TSPOAP1: variants seen among roughly 807,000 people sequenced by gnomAD.
The protein encoded by TSPOAP1 is peripheral-type benzodiazepine receptor-associated protein 1.
Under a neutral mutation model 197.0 loss-of-function variants are expected in TSPOAP1, and 87 were observed. The observed-to-expected ratio is 0.44, with a 90% CI of 0.37 to 0.53. The LOEUF (loss-of-function observed/expected upper bound fraction) is 0.53, where lower values mean the gene tolerates loss of function less well. TSPOAP1 is among the 20% of genes least tolerant of loss of function. The pLI is 0.00. For synonymous variants in TSPOAP1, 913 were observed against 998.9 expected, an observed-to-expected ratio of 0.91 and a Z score of 1.62; for missense variants, 2,174 against 2,411.3, an observed-to-expected ratio of 0.90 and a Z score of 2.06.
intron 10 of TSPOAP1, among the ~76,000 whole-genome samples, chr17:58,321,293 G>A (rs1180310481): frequency 6.8e-6 from 1 of 146,446 alleles, no homozygotes; most frequent in Non-Finnish European, 1.5e-5. Context: ...GGGGATCCTT[G>A]TCAATTCTTT....
chr17:58,316,172 T>C (rs371985793), intron 15 of TSPOAP1, 40 bp from the exon 16 acceptor site: 2 of 1,439,832 alleles, frequency 1.4e-6, no homozygotes, highest in Non-Finnish European at 2.0e-6. Flanking sequence ...GAGAGTGACC[T>C]ACACTCCACT....
chr17:58,322,699 G>T lies in TSPOAP1; in HGVS notation c.1272C>A (p.Ser424Arg). 6.2e-7 allele frequency: 1 copy of T among 1,612,318 alleles called. No individual in the cohort carries two copies. The change falls in exon 9 of 32, where the codon AGC becomes AGA. Residue 424 changes from serine to arginine, a missense_variant. Ser to Arg is a moderately radical substitution (Grantham distance 110). Around this residue, in one of 5 missense-constraint regions of TSPOAP1, gnomAD observed 1,933 missense variants for 2,139.0 expected, o/e 0.90. Transcript: ENST00000343736. This position sits in a 1 kb window ranked among gnomAD's most constrained non-coding sequence, Gnocchi z 5.0. ...TQERDSALRK[S>R]QGLQSKLESL... is the part of the protein sequence containing the mutation. ...TCTCCAGCTTGCTCTGCAGGCCCTG[G>T]CTCTTGCGAAGGGCTGAGTCCCTCT...
chr17:58,310,143 C>T lies in TSPOAP1; in HGVS notation c.3715G>A (p.Glu1239Lys). The T allele has an allele frequency of 6.2e-7, 1 of 1,612,768 alleles. No homozygotes were observed. The highest frequency in any genetic ancestry group is 8.5e-7 in the Non-Finnish European group (1 of 1,179,876). The change falls in exon 21 of 32, where the codon GAG becomes AAG. Residue 1239 changes from glutamate to lysine, a missense_variant. Glu to Lys is a moderately conservative substitution (Grantham distance 56). Transcript: ENST00000343736. ...GAGTTCACCAGATGAACCCCAAGCT[C>T]TGCTGTGTCCTCCTTCTGCAAGAAG... ...RPRAEKEDTA[E>K]LGVHLVNSLV...
Position 58,325,537 on chromosome 17 carries a change from G to T in TSPOAP1, c.747C>A (p.Gly249=), listed in dbSNP as rs774323558. The T allele has an allele frequency of 1.1e-5, 18 of 1,612,028 alleles. No individual in the cohort carries two copies. The highest frequency in any genetic ancestry group is 1.2e-5 in the Non-Finnish European group (14 of 1,180,012). The change falls in exon 4 of 32, where the codon GGC becomes GGA. Residue 249 remains glycine, a synonymous_variant. Coordinates refer to ENST00000343736, the MANE Select transcript of TSPOAP1 (RefSeq NM_004758.4). The part of the protein sequence containing the change: ...RELQARLTLV[G]KEGPQWLHVR... ...GGTGACCAGGGCCTCCTCGCACCTT[G>T]CCCACCAGAGTGAGCCTGGCCTGCA... is the stretch of plus-strand genomic sequence containing the variant.
Position 58,324,848 on chromosome 17 carries a change from G to A in TSPOAP1, c.905C>T (p.Ala302Val), listed in dbSNP as rs1314181168. ...PSWPPGPALQ[A>V]RAGAPAPGAP... The stretch of plus-strand genomic sequence containing the variant: ...CCCGGGAGCAGGCGCCCCTGCTCTG[G>A]CCTGGAGAGCAGGGCCCGGGGGCCA... Residue 302 changes from alanine to valine, a missense_variant, in exon 5 of 32, where the codon GCC (alanine) becomes GTC (valine). Coordinates refer to ENST00000343736, the MANE Select transcript of TSPOAP1 (RefSeq NM_004758.4). This position sits in a 1 kb window ranked among gnomAD's most constrained non-coding sequence, Gnocchi z 5.8. The A allele has an allele frequency of 6.6e-6, 10 of 1,525,400 alleles. No individual in the cohort carries two copies. The highest frequency in any genetic ancestry group is 2.8e-5 in the African/African-American group (2 of 72,526). The allele number at this position is 1,525,400 out of a possible 1,614,324, so 94.5% of individuals were successfully genotyped here.
rs904092046 is a variant in TSPOAP1, at chr17:58,312,340, C to G, written c.2481G>C (p.Val827=). ...QVELHGFHIC[V]NGELRQALGP... ...CCAGGGCCTGTCGCAGCTCCCCATT[C>G]ACACAGATATGGAAGCCGTGTAGCT... Residue 827 remains valine (V), a synonymous_variant, in exon 17 of 32, where the codon GTG becomes GTC. Transcript: ENST00000343736. 2 of 1,612,508 alleles carry G rather than the reference C, an allele frequency of 1.2e-6. No homozygotes were observed. The highest frequency in any genetic ancestry group is 8.5e-7 in the Non-Finnish European group (1 of 1,179,542).
chr17:58,303,074 C>G (rs1328607678), intron 31 of TSPOAP1: 1 of 152,346 alleles, frequency 6.6e-6, no homozygotes, highest in Admixed American at 6.5e-5. Flanking sequence ...CATCACTCAG[C>G]CCCCACCACA....
intron 14 of TSPOAP1, among the ~76,000 whole-genome samples, chr17:58,316,998 C>A (rs1971258098): frequency 6.6e-6 from 1 of 152,144 alleles, no homozygotes; most frequent in African/African-American, 2.4e-5. Context: ...GAGTTTGAGA[C>A]CAGCGTGAGA....
Position 58,305,641 on chromosome 17 carries a change from G to T in TSPOAP1, c.5260C>A (p.Pro1754Thr). ...SEGPAQPCPG[P>T]PKLVPSADLK... is the part of the protein sequence containing the mutation. ...TCAGCAGAGGGGACCAGCTTAGGGG[G>T]GCCTGCAGGGGGAGTAGGAGAAGAC... Residue 1754 changes from proline to threonine, a missense_variant and splice_region_variant, in exon 28 of 32, where the codon CCC (proline) becomes ACC (threonine). Coordinates refer to ENST00000343736, the MANE Select transcript of TSPOAP1 (RefSeq NM_004758.4). The T allele has an allele frequency of 6.7e-7, 1 of 1,496,552 alleles. No individual in the cohort carries two copies. Among genetic ancestry groups the T allele is most frequent in the Non-Finnish European group, 9.0e-7 (1 of 1,105,852 alleles). The allele number at this position is 1,496,552 out of a possible 1,614,324, so 92.7% of individuals were successfully genotyped here. A position where few individuals can be genotyped will look rare whatever the true frequency, so the allele number is the denominator to read the frequency against.
In TSPOAP1 at chr17:58,310,957, C is replaced by A; in HGVS notation, c.3338G>T (p.Ser1113Ile). The A allele has an allele frequency of 1.3e-6, 2 of 1,584,728 alleles. No individual in the cohort carries two copies. ...GGGAGCAGGGTGCTGGAGAGGAGAG[C>A]TGGGGTCTCCAGGCCCTGGGGAGGC... ...ASASPGPGDPSSPLQHPAPLG... is the reference protein window; with the variant it reads ...ASASPGPGDPISPLQHPAPLG... The change falls in exon 19 of 32, where the codon AGC becomes ATC. Residue 1113 changes from serine to isoleucine, a missense_variant. Ser to Ile is a moderately radical substitution (Grantham distance 142). This residue lies in a region of TSPOAP1 where 1,933 missense variants were observed against 2,139.0 expected (regional missense o/e 0.90). Coordinates refer to ENST00000343736, the MANE Select transcript of TSPOAP1 (RefSeq NM_004758.4).
rs139927674 is a variant in TSPOAP1, at chr17:58,320,144, G to C, written c.1474-15C>G. ...TCCAAGGTAGACTGTTGCAGGAAAG[G>C]AAGCAGAGAACAGGTTAGAACCCTG... On this transcript the variant is annotated splice_polypyrimidine_tract_variant and intron_variant, in intron 11 of 31. Coordinates refer to ENST00000343736, the MANE Select transcript of TSPOAP1 (RefSeq NM_004758.4). 75 of 1,614,168 alleles carry C rather than the reference G, an allele frequency of 4.6e-5. No individual in the cohort carries two copies. In the East Asian group the frequency reaches 1.5e-3, roughly 33 times the overall value.
At chr17:58,316,283 T>G (rs1270894600) in intron 15 of TSPOAP1, 142 bp downstream of exon 15, 15 of 1,057,930 alleles carry the variant, frequency 1.4e-5, no homozygotes, top group Non-Finnish European at 2.1e-5. Context: ...GCACCCACCT[T>G]GGCCCAACTA....
Position 58,304,168 on chromosome 17 carries a change from G to T in TSPOAP1, c.*32+170C>A. The T allele has an allele frequency of 1.7e-6, 1 of 589,062 alleles. No individual in the cohort carries two copies. The allele number at this position is 589,062 out of a possible 1,614,324, so 36.5% of individuals were successfully genotyped here. Reference sequence around the variant, plus strand: ...AGGCAAGGCAAGGGGAGCAGGGAGGGGGAGGGATGACTCTTCATGCAAATC... The same window carrying T: ...AGGCAAGGCAAGGGGAGCAGGGAGGTGGAGGGATGACTCTTCATGCAAATC... On this transcript the variant is annotated intron_variant, in intron 31 of 31. Coordinates refer to ENST00000343736, the MANE Select transcript of TSPOAP1 (RefSeq NM_004758.4). This position sits in a 1 kb window ranked among gnomAD's most constrained non-coding sequence, Gnocchi z 4.2.
chr17:58,308,513 C>T, intron 22 of TSPOAP1, 28 bp downstream of exon 22: 1 of 1,492,140 alleles, frequency 6.7e-7, no homozygotes, highest in Non-Finnish European at 8.9e-7. Context: ...CAGGCAGGGG[C>T]TGCCCAGGGC....
chr17:58,320,074 G>T, intron 12 of TSPOAP1, 35 bp downstream of exon 12: 3 of 1,614,040 alleles, frequency 1.9e-6, no homozygotes, highest in Non-Finnish European at 2.5e-6. Context: ...CAGCCAGCCT[G>T]GAGAGGTGTG....
Position 58,324,797 on chromosome 17 carries a change from G to T in TSPOAP1, c.942+14C>A. 6.9e-7 allele frequency: 1 copy of T among 1,447,710 alleles called. No individual in the cohort carries two copies. The highest frequency in any genetic ancestry group is 9.1e-7 in the Non-Finnish European group (1 of 1,104,216). 89.7% of individuals were successfully genotyped at this position (1,447,710 alleles called of 1,614,324 possible). A position where few individuals can be genotyped will look rare whatever the true frequency, so the allele number is the denominator to read the frequency against. Reference sequence around the variant, plus strand: ...TGCACGCACCCACACACCTGCCCTTGCGCCGGCGCTCACCTCTCCCGGGGC... The same window carrying T: ...TGCACGCACCCACACACCTGCCCTTTCGCCGGCGCTCACCTCTCCCGGGGC... On this transcript the variant is annotated intron_variant, in intron 5 of 31. Coordinates refer to ENST00000343736, the MANE Select transcript of TSPOAP1 (RefSeq NM_004758.4). This position sits in a 1 kb window ranked among gnomAD's most constrained non-coding sequence, Gnocchi z 5.8.
At chr17:58,305,694 C>A in intron 27 of TSPOAP1, 51 bp from the exon 28 acceptor site, 1 of 1,369,038 alleles carries the variant, frequency 7.3e-7, no homozygotes. Flanking sequence ...GCCCTACACC[C>A]CATCCTGTCT....
rs749100567 is a variant in TSPOAP1, at chr17:58,326,339, C to T, written c.524G>A (p.Arg175His). 5.0e-6 allele frequency: 8 copies of T among 1,613,990 alleles called. No homozygotes were observed. In the Admixed American group the frequency reaches 5.0e-5, roughly 10 times the overall value. The change falls in exon 3 of 32, where the codon CGC (arginine) becomes CAC (histidine). Residue 175 changes from arginine (R) to histidine (H), a missense_variant. Physicochemically the swap from Arg to His is conservative, Grantham distance 29. This residue lies in a region of TSPOAP1 where 1,933 missense variants were observed against 2,139.0 expected (regional missense o/e 0.90). Transcript: ENST00000343736. This position sits in a 1 kb window ranked among gnomAD's most constrained non-coding sequence, Gnocchi z 4.7. Reference sequence around the variant, plus strand: ...CAGCTTTCGGGCCCTCTCCTCCAGGCGCTTGGCAATGACCGCCAGCTCGGC... The same window carrying T: ...CAGCTTTCGGGCCCTCTCCTCCAGGTGCTTGGCAATGACCGCCAGCTCGGC... ...KNAELAVIAK[R>H]LEERARKLQE...
At chr17:58,307,341 T>C (rs1970932624) in intron 24 of TSPOAP1, 1 of 552,400 alleles carries the variant, frequency 1.8e-6, no homozygotes, top group African/African-American at 1.9e-5. Flanking sequence ...TTTATGTACA[T>C]TGGATCATTT....
Sources: allele counts gnomAD v4.1 joint callset (sites outside exome capture counted in the v4.1 genomes callset), GRCh38; gene constraint gnomAD v4.1.1; regional missense constraint gnomAD v4.1.1; non-coding constraint Gnocchi (gnomAD v3.1); transcripts MANE v1.5; gene names NCBI Gene and HGNC (gene_info 2026-07-23, HGNC 2026-07-21).